Variants in CNNM1 observed in about 807,000 individuals in gnomAD.
The protein encoded by CNNM1 is metal transporter CNNM1.
A neutral mutation model predicts 78.8 loss-of-function variants in CNNM1; 44 were observed. The ratio of observed to expected loss-of-function variants is 0.56; its 90% confidence interval spans 0.44 to 0.72. The LOEUF is 0.72. Among genes scored for constraint, CNNM1 ranks in the 30% least tolerant of loss-of-function variants. The probability of loss-of-function intolerance (pLI) is 0.00; values close to 1 mark genes in which losing one functional copy is unlikely to be tolerated. For missense variants in CNNM1, 1,101 were observed against 1,292.2 expected, an observed-to-expected ratio of 0.85 and a Z score of 2.27; for synonymous variants, 584 against 581.5, an observed-to-expected ratio of 1.00 and a Z score of -0.06.
Position 99,392,156 on chromosome 10 carries a change from GT to G in CNNM1, c.*641del, listed in dbSNP as rs2032491915. The G allele has an allele frequency of 1.3e-5, 2 of 152,608 alleles. No individual in the cohort carries two copies. 9.5% of individuals were successfully genotyped at this position (152,608 alleles called of 1,614,324 possible). The stretch of plus-strand genomic sequence containing the variant: ...ATAAGGGTTCCAGCAGCCTGGGGCA[GT>G]ATGTCTCAGCTGGAATGGAAAGAAT... On this transcript the variant is annotated 3_prime_UTR_variant, in exon 11 of 11. Transcript: ENST00000356713.
rs1009271115 is a variant in CNNM1, at chr10:99,333,526, G to A, written c.1573+2566G>A. Among the ~76,000 whole-genome samples, 7 of 152,240 alleles carry A rather than the reference G, an allele frequency of 4.6e-5. No homozygotes were observed. In the South Asian group the frequency reaches 1.2e-3, roughly 27 times the overall value. On this transcript the variant is annotated intron_variant, in intron 1 of 10. Coordinates refer to ENST00000356713, the MANE Select transcript of CNNM1 (RefSeq NM_020348.3). ...CGCCTGGCTAATTTTTGTATTTTTA[G>A]TAGAGACAGGGTTTCACCATGTTGG... is the stretch of plus-strand genomic sequence containing the variant.
rs770543561 is a variant in CNNM1, at chr10:99,377,088, A to T, written c.2210A>T (p.Asn737Ile). 1 of 1,585,174 alleles carries T rather than the reference A, an allele frequency of 6.3e-7. No homozygotes were observed. The highest frequency in any genetic ancestry group is 1.8e-5 in the Admixed American group (1 of 54,748). The change falls in exon 7 of 11, where the codon AAT becomes ATT. Residue 737 changes from asparagine to isoleucine, a missense_variant. Transcript: ENST00000356713. ...TCCCCTTCTCGCTGCAGTGGGTTGA[A>T]TCGCTCTGAGTCTCCAAACCGAGAG... ...NRSPSRCSGL[N>I]RSESPNRERS...
intron 7 of CNNM1, among the ~76,000 whole-genome samples, chr10:99,381,011 G>A (rs1344147109): frequency 6.6e-6 from 1 of 152,162 alleles, no homozygotes; most frequent in Non-Finnish European, 1.5e-5. Flanking sequence ...TGCAATCAGT[G>A]CAGCTGAGCA....
At chr10:99,369,348 G>T (rs1364859990) in intron 6 of CNNM1, among the ~76,000 whole-genome samples, 1 of 152,146 alleles carries the variant, frequency 6.6e-6, no homozygotes, top group Non-Finnish European at 1.5e-5. Flanking sequence ...AGCAAGTAAT[G>T]ACTAAACCAG....
Position 99,388,146 on chromosome 10 carries a change from C to T in CNNM1, c.2525-6C>T. 6.2e-7 allele frequency: 1 copy of T among 1,613,720 alleles called. No individual in the cohort carries two copies. Among genetic ancestry groups the T allele is most frequent in the Non-Finnish European group, 8.5e-7 (1 of 1,179,834 alleles). On this transcript the variant is annotated splice_region_variant and splice_polypyrimidine_tract_variant and intron_variant, in intron 8 of 10. Transcript: ENST00000356713. The stretch of plus-strand genomic sequence containing the variant: ...AGAGAGGTGATGCACTCACTGTCCT[C>T]CCCAGGCAGCCGCTCAGACGGGCTG...
Position 99,387,846 on chromosome 10 carries a change from A to T in CNNM1, c.2367A>T (p.Ala789=), listed in dbSNP as rs1444356327. 4.4e-6 allele frequency: 7 copies of T among 1,608,942 alleles called. No individual in the cohort carries two copies. Among genetic ancestry groups the T allele is most frequent in the Non-Finnish European group, 5.9e-6 (7 of 1,177,512 alleles). ...TCACACGGCAGCAATATCAGAACGC[A>T]CTCACTGCCTGCCACATGGACAGCT... ...VKITRQQYQN[A]LTACHMDSSP... The change falls in exon 8 of 11, where the codon GCA becomes GCT. Residue 789 remains alanine (A), a synonymous_variant. Coordinates refer to ENST00000356713, the MANE Select transcript of CNNM1 (RefSeq NM_020348.3).
intron 6 of CNNM1, among the ~76,000 whole-genome samples, chr10:99,371,180 A>C (rs2031790330): frequency 6.6e-6 from 1 of 152,330 alleles, no homozygotes; most frequent in South Asian, 2.1e-4. Context: ...GATTGAGGCT[A>C]GGGGTCTCTG....
chr10:99,340,804 CTCTTTCTT>C (rs1159183436), intron 1 of CNNM1, among the ~76,000 whole-genome samples: 1 of 130,224 alleles, frequency 7.7e-6, no homozygotes, highest in Non-Finnish European at 1.6e-5. Flanking sequence ...TTCTTACTTT[CTCTTTCTT>C]TCTTTCTTTT....
At chr10:99,366,096 C>T (rs976676886) in intron 6 of CNNM1, among the ~76,000 whole-genome samples, 3 of 152,092 alleles carry the variant, frequency 2.0e-5, no homozygotes, top group Non-Finnish European at 2.9e-5. Context: ...GTGTAATAGC[C>T]CAGCCAGTGG....
intron 1 of CNNM1, 69 bp from the exon 2 acceptor site, chr10:99,357,443 A>G: frequency 6.6e-7 from 1 of 1,509,542 alleles, no homozygotes; most frequent in Non-Finnish European, 9.0e-7. Flanking sequence ...ACTTTGTATC[A>G]TTTTTCTCAC....
intron 1 of CNNM1, among the ~76,000 whole-genome samples, chr10:99,341,164 G>A (rs543394164): frequency 1.1e-4 from 16 of 152,226 alleles, no homozygotes; most frequent in South Asian, 6.2e-4. Context: ...CCTAAAGAAC[G>A]GTGAGAAGGA....
Position 99,330,966 on chromosome 10 carries a change from C to T in CNNM1, c.1573+6C>T. On this transcript the variant is annotated splice_donor_region_variant and intron_variant, in intron 1 of 10. Transcript: ENST00000356713. Reference sequence around the variant, plus strand: ...TCTGGAGGAGTTTAAGAAGGGTGAGCAGTAGTCTATCTTCTCCCCCAACTC... The same window carrying T: ...TCTGGAGGAGTTTAAGAAGGGTGAGTAGTAGTCTATCTTCTCCCCCAACTC... The T allele has an allele frequency of 6.2e-7, 1 of 1,602,074 alleles. No individual in the cohort carries two copies. Among genetic ancestry groups the T allele is most frequent in the Admixed American group, 1.7e-5 (1 of 59,530 alleles).
At position 99,378,341 on chromosome 10, in the gene CNNM1, G is replaced by C. The variant is rs34949098; in HGVS notation, c.2340+1123G>C. Among the ~76,000 whole-genome samples, 540 of 152,330 alleles carry C rather than the reference G, an allele frequency of 3.5e-3. 2 individuals are homozygous for C. Among genetic ancestry groups the C allele is most frequent in the Non-Finnish European group, 6.5e-3 (442 of 68,028 alleles). Reference sequence around the variant, plus strand: ...CTAGAGCCCCATTTATCCCAGGCCAGCAGAACACCCAGTGGGTTCACTTGG... The same window carrying C: ...CTAGAGCCCCATTTATCCCAGGCCACCAGAACACCCAGTGGGTTCACTTGG... On this transcript the variant is annotated intron_variant, in intron 7 of 10. Transcript: ENST00000356713.
intron 2 of CNNM1, 120 bp downstream of exon 2, chr10:99,357,775 T>A: frequency 1.1e-6 from 1 of 933,312 alleles, no homozygotes; most frequent in Non-Finnish European, 1.5e-6. Flanking sequence ...CTGATGTGTG[T>A]CAGCCACCTA....
At chr10:99,332,060 G>A (rs527506382) in intron 1 of CNNM1, among the ~76,000 whole-genome samples, 1 of 152,194 alleles carries the variant, frequency 6.6e-6, no homozygotes, top group East Asian at 1.9e-4. Flanking sequence ...ACCCCTCTTG[G>A]CATTACACAG....
intron 7 of CNNM1, among the ~76,000 whole-genome samples, chr10:99,383,791 C>T (rs1035488442): frequency 5.3e-5 from 8 of 152,136 alleles, no homozygotes; most frequent in African/African-American, 1.4e-4. Context: ...GCCAGGTCAT[C>T]GAAACTGGGC....
At chr10:99,353,086 A>G (rs2031004943) in intron 1 of CNNM1, among the ~76,000 whole-genome samples, 1 of 152,142 alleles carries the variant, frequency 6.6e-6, no homozygotes, top group African/African-American at 2.4e-5. Flanking sequence ...TGACTTCTCA[A>G]TGTTAAGCAT....
intron 1 of CNNM1, among the ~76,000 whole-genome samples, chr10:99,348,050 A>AT (rs397955419): frequency 0.013 from 1,705 of 131,650 alleles, 21 homozygotes; most frequent in African/African-American, 0.032. Context: ...ATATATATAT[A>AT]TTTTTTTTTT....
chr10:99,339,280 G>A (rs1488273260), intron 1 of CNNM1, among the ~76,000 whole-genome samples: 10 of 152,168 alleles, frequency 6.6e-5, no homozygotes, highest in Admixed American at 6.5e-4. Context: ...CCTGCTTTGG[G>A]CCAGGCATTA....
Sources: gnomAD v4.1 joint callset for allele counts (sites outside exome capture counted in the v4.1 genomes callset) on GRCh38, gnomAD v4.1.1 for gene constraint, MANE v1.5 for transcripts, NCBI Gene and HGNC (gene_info 2026-07-23, HGNC 2026-07-21) for gene names.